RNF38: variants seen among roughly 807,000 people sequenced by gnomAD.
The protein encoded by RNF38 is E3 ubiquitin-protein ligase RNF38.
In RNF38, 15 loss-of-function variants were observed where a neutral mutation model predicts 67.2. The ratio of observed to expected loss-of-function variants is 0.22; its 90% CI spans 0.15 to 0.34. The LOEUF (loss-of-function observed/expected upper bound fraction) is 0.34. RNF38 is among the 10% of genes least tolerant of loss of function. The pLI is 1.00. For missense variants in RNF38, 524 were observed against 639.9 expected, an observed-to-expected ratio of 0.82 and a Z score of 1.95; for synonymous variants, 220 against 218.8, an observed-to-expected ratio of 1.01 and a Z score of -0.05.
intron 4 of RNF38, among the ~76,000 whole-genome samples, chr9:36,361,385 G>C (rs1299600590): frequency 6.6e-6 from 1 of 150,884 alleles, no homozygotes; most frequent in Non-Finnish European, 1.5e-5. Context: ...GGATGGTCTC[G>C]ATCTCCTGAC....
intron 1 of RNF38, among the ~76,000 whole-genome samples, chr9:36,446,532 C>T (rs976018874): frequency 2.0e-5 from 3 of 152,088 alleles, no homozygotes; most frequent in Non-Finnish European, 4.4e-5. Context: ...TCGGCCCAGG[C>T]GCAGTGGCTC....
intron 9 of RNF38, among the ~76,000 whole-genome samples, chr9:36,345,458 C>A (rs1049251329): frequency 6.6e-6 from 1 of 152,166 alleles, no homozygotes; most frequent in Admixed American, 6.5e-5. Flanking sequence ...CTGGGGACTA[C>A]AGGATGTTTT....
chr9:36,339,913 CTTTCTTCCTCTGAA>C (rs1384370789), intron 11 of RNF38, 99 bp from the exon 12 acceptor site: 34 of 1,055,126 alleles, frequency 3.2e-5, no homozygotes, highest in Non-Finnish European at 4.7e-5. Context: ...TTTTTACATT[CTTTCTTCCTCTGAA>C]GAGGTACAAA....
At chr9:36,360,054 A>C (rs1834410263) in intron 4 of RNF38, among the ~76,000 whole-genome samples, 1 of 152,024 alleles carries the variant, frequency 6.6e-6, no homozygotes, top group African/African-American at 2.4e-5. Context: ...CTATATTAAG[A>C]CTTTTTATAC....
intron 1 of RNF38, among the ~76,000 whole-genome samples, chr9:36,430,027 AC>A (rs1838892672): frequency 6.6e-6 from 1 of 152,130 alleles, no homozygotes; most frequent in Admixed American, 6.5e-5. Flanking sequence ...TTTCTAGCAT[AC>A]TATCATCAGA....
At chr9:36,372,810 T>C (rs1047247602) in intron 3 of RNF38, among the ~76,000 whole-genome samples, 1 of 152,194 alleles carries the variant, frequency 6.6e-6, no homozygotes, top group African/African-American at 2.4e-5. Flanking sequence ...GTCCAAGGCA[T>C]TTCCTGTGAC....
chr9:36,385,380 C>CTTTT (rs544217136), intron 2 of RNF38, among the ~76,000 whole-genome samples: 1 of 138,532 alleles, frequency 7.2e-6, no homozygotes, highest in Admixed American at 7.3e-5. Context: ...TCCACTACAG[C>CTTTT]TTTTTTTTTT....
intron 10 of RNF38, among the ~76,000 whole-genome samples, chr9:36,342,820 TA>T (rs1445563916): frequency 6.6e-6 from 1 of 152,198 alleles, no homozygotes; most frequent in South Asian, 2.1e-4. Context: ...GAAAACACAG[TA>T]AATTTTCATG....
intron 2 of RNF38, among the ~76,000 whole-genome samples, chr9:36,378,154 T>C (rs2133876983): frequency 6.6e-6 from 1 of 151,684 alleles, no homozygotes; most frequent in East Asian, 1.9e-4. Flanking sequence ...GTGAAACAGA[T>C]TTGATTAACA....
At chr9:36,349,858 C>CT in intron 9 of RNF38, among the ~76,000 whole-genome samples, 1 of 152,192 alleles carries the variant, frequency 6.6e-6, no homozygotes, top group African/African-American at 2.4e-5. Context: ...CCCAACATTT[C>CT]TTTTTTCTTT....
chr9:36,395,805 A>C (rs1243916076), intron 1 of RNF38, among the ~76,000 whole-genome samples: 1 of 152,252 alleles, frequency 6.6e-6, no homozygotes, highest in East Asian at 1.9e-4. Context: ...AAGCAACCTA[A>C]ATGTTTAACA....
At chr9:36,345,935 T>C (rs994530836) in intron 9 of RNF38, among the ~76,000 whole-genome samples, 7 of 152,208 alleles carry the variant, frequency 4.6e-5, no homozygotes, top group African/African-American at 1.7e-4. Flanking sequence ...AATAGGGAGA[T>C]GTGAATACTT....
At chr9:36,389,490 C>G (rs574041325) in intron 2 of RNF38, among the ~76,000 whole-genome samples, 5 of 152,144 alleles carry the variant, frequency 3.3e-5, no homozygotes, top group Non-Finnish European at 5.9e-5. Context: ...GATTAGACAC[C>G]TCACTGAGCT....
At chr9:36,393,524 G>GTGTGTGT (rs1554689613) in intron 1 of RNF38, among the ~76,000 whole-genome samples, 1,880 of 84,132 alleles carry the variant, frequency 0.022, 22 homozygotes, top group East Asian at 0.044. Context: ...TGTGTGTGTG[G>GTGTGTGT]GGCAGGCAGT....
In RNF38 at chr9:36,339,589, A is replaced by C; in HGVS notation, c.*163T>G. The C allele has an allele frequency of 1.7e-6, 1 of 590,500 alleles. No homozygotes were observed. The allele number at this position is 590,500 out of a possible 1,614,324, so 36.6% of individuals were successfully genotyped here. On this transcript the variant is annotated 3_prime_UTR_variant, in exon 12 of 12. Coordinates refer to ENST00000259605, the MANE Select transcript of RNF38 (RefSeq NM_022781.5). The stretch of plus-strand genomic sequence containing the variant: ...AACAATCCCATAACTGTGAAGACTA[A>C]TTGTAAGCTTTTATAGTTGATTAAG...
intron 1 of RNF38, among the ~76,000 whole-genome samples, chr9:36,445,077 C>A (rs1228309319): frequency 6.6e-6 from 1 of 152,172 alleles, no homozygotes; most frequent in Non-Finnish European, 1.5e-5. Flanking sequence ...CACTGGGGTT[C>A]AGCATCCACA....
chr9:36,360,269 A>G (rs1428984706), intron 4 of RNF38, among the ~76,000 whole-genome samples: 2 of 152,120 alleles, frequency 1.3e-5, no homozygotes, highest in African/African-American at 2.4e-5. Flanking sequence ...ATTTTACTCT[A>G]TTTGCATGTC....
chr9:36,445,082 T>C (rs1300639813), intron 1 of RNF38, among the ~76,000 whole-genome samples: 2 of 152,288 alleles, frequency 1.3e-5, no homozygotes, highest in African/African-American at 4.8e-5. Context: ...GGGTTCAGCA[T>C]CCACAAGGGT....
chr9:36,461,181 CT>C (rs1257005463), intron 1 of RNF38, among the ~76,000 whole-genome samples: 2 of 151,048 alleles, frequency 1.3e-5, no homozygotes, highest in Non-Finnish European at 3.0e-5. Flanking sequence ...CACCACTGCA[CT>C]GCACTCCAGC....
Sources: gnomAD v4.1 joint callset for allele counts (sites outside exome capture counted in the v4.1 genomes callset) on GRCh38, gnomAD v4.1.1 for gene constraint, MANE v1.5 for transcripts, NCBI Gene and HGNC (gene_info 2026-07-23, HGNC 2026-07-21) for gene names.